The following RBFOX1 variants were observed in gnomAD, a reference collection of about 807,000 sequenced individuals.
The protein encoded by RBFOX1 is RNA binding fox-1 homolog 1.
RBFOX1 carries 8 observed loss-of-function variants against 57.7 expected under a neutral mutation model. That is an observed-to-expected ratio of 0.14 (90% CI 0.08 to 0.25). The LOEUF (loss-of-function observed/expected upper bound fraction) is 0.25. RBFOX1 is among the 10% of genes least tolerant of loss of function. The pLI is 1.00. For synonymous variants in RBFOX1, 326 were observed against 222.4 expected (o/e 1.47, Z -4.15); for missense variants, 611 against 548.5 (o/e 1.11, Z -1.14).
intron 4 of RBFOX1, among the ~76,000 whole-genome samples, chr16:5,979,185 GC>G (rs2152308445): frequency 6.6e-6 from 1 of 152,312 alleles, no homozygotes; most frequent in Non-Finnish European, 1.5e-5. Context: ...CTCCAAGGAT[GC>G]CCCTGCTCAC....
At chr16:7,393,016 G>A (rs2098067729) in intron 4 of RBFOX1, among the ~76,000 whole-genome samples, 1 of 152,130 alleles carries the variant, frequency 6.6e-6, no homozygotes, top group African/African-American at 2.4e-5. Context: ...TGGGACTACA[G>A]GCCCATGCCA....
intron 1 of RBFOX1, among the ~76,000 whole-genome samples, chr16:6,069,860 G>A (rs1214239843): frequency 1.3e-5 from 2 of 151,688 alleles, no homozygotes; most frequent in Admixed American, 6.6e-5. Flanking sequence ...AGTGGTGCAT[G>A]CCTGTAATCC....
At chr16:6,177,821 T>C (rs945528312) in intron 1 of RBFOX1, among the ~76,000 whole-genome samples, 1 of 151,818 alleles carries the variant, frequency 6.6e-6, no homozygotes, top group Non-Finnish European at 1.5e-5. Flanking sequence ...GCAAAATTGA[T>C]TGTGCGGCTC....
intron 1 of RBFOX1, among the ~76,000 whole-genome samples, chr16:6,105,920 G>T (rs578022509): frequency 1.1e-4 from 16 of 151,738 alleles, no homozygotes; most frequent in South Asian, 2.1e-4. Flanking sequence ...AAACTTAATG[G>T]TCATAGTAAC....
At chr16:7,301,428 A>G (rs1041095667) in intron 4 of RBFOX1, among the ~76,000 whole-genome samples, 1 of 152,202 alleles carries the variant, frequency 6.6e-6, no homozygotes, top group Non-Finnish European at 1.5e-5. Context: ...GCAGATCTTC[A>G]GTGTGTCTGA....
intron 3 of RBFOX1, among the ~76,000 whole-genome samples, chr16:6,874,907 AAATAAT>A (rs1434680585): frequency 6.6e-6 from 1 of 152,182 alleles, no homozygotes; most frequent in Admixed American, 6.5e-5. Context: ...AAAACTATTG[AAATAAT>A]AATAAAAGAA....
chr16:7,174,683 G>A (rs1041697039), intron 4 of RBFOX1, among the ~76,000 whole-genome samples: 2 of 152,208 alleles, frequency 1.3e-5, no homozygotes, highest in African/African-American at 4.8e-5. Context: ...GGGAGTCTGA[G>A]GCAGGAGAAT....
chr16:7,369,500 C>G (rs904511042), intron 4 of RBFOX1, among the ~76,000 whole-genome samples: 1 of 152,154 alleles, frequency 6.6e-6, no homozygotes, highest in Non-Finnish European at 1.5e-5. Context: ...TAACTCCCTG[C>G]ATTTGCATTC....
intron 3 of RBFOX1, among the ~76,000 whole-genome samples, chr16:6,909,877 C>T (rs2071108683): frequency 6.6e-6 from 1 of 152,082 alleles, no homozygotes; most frequent in Non-Finnish European, 1.5e-5. Flanking sequence ...CTGAATTTGC[C>T]TGCATATCGG....
At chr16:5,415,037 G>A (rs552088571) in intron 1 of RBFOX1, among the ~76,000 whole-genome samples, 20 of 152,222 alleles carry the variant, frequency 1.3e-4, no homozygotes, top group South Asian at 2.1e-4. Flanking sequence ...GGTTGACCCC[G>A]TTTATCATTC....
At chr16:7,275,303 C>T (rs545782325) in intron 4 of RBFOX1, among the ~76,000 whole-genome samples, 20 of 152,288 alleles carry the variant, frequency 1.3e-4, no homozygotes, top group African/African-American at 4.1e-4. Flanking sequence ...GATTTCTAAT[C>T]GTTATATAAT....
intron 3 of RBFOX1, among the ~76,000 whole-genome samples, chr16:5,790,859 ATT>A (rs1157751312): frequency 8.9e-6 from 1 of 112,948 alleles, no homozygotes. Flanking sequence ...GTGGGTCTTT[ATT>A]TTTTTTTTTT....
At chr16:7,176,518 T>G (rs1016174670) in intron 4 of RBFOX1, among the ~76,000 whole-genome samples, 2 of 152,150 alleles carry the variant, frequency 1.3e-5, no homozygotes, top group African/African-American at 4.8e-5. Flanking sequence ...TCCTCTTGTT[T>G]TTGTAAATAC....
intron 1 of RBFOX1, among the ~76,000 whole-genome samples, chr16:6,124,480 C>G (rs1340034517): frequency 6.6e-6 from 1 of 152,078 alleles, no homozygotes; most frequent in Admixed American, 6.6e-5. Flanking sequence ...GACCTGGTAG[C>G]TGGAAAGCCC....
At chr16:6,650,801 T>A (rs2098583428) in intron 2 of RBFOX1, among the ~76,000 whole-genome samples, 1 of 152,220 alleles carries the variant, frequency 6.6e-6, no homozygotes, top group Admixed American at 6.5e-5. Context: ...TTCCTAATGA[T>A]GCATCCGCAG....
At chr16:5,886,182 C>T (rs1236409560) in intron 4 of RBFOX1, among the ~76,000 whole-genome samples, 1 of 152,166 alleles carries the variant, frequency 6.6e-6, no homozygotes, top group African/African-American at 2.4e-5. Flanking sequence ...CTCTATTCTT[C>T]ATAAATTCCC....
intron 3 of RBFOX1, among the ~76,000 whole-genome samples, chr16:5,706,218 T>C (rs987251985): frequency 6.6e-6 from 1 of 152,182 alleles, no homozygotes; most frequent in South Asian, 2.1e-4. Flanking sequence ...GCCATGTTGC[T>C]TTTTTTCCTA....
At chr16:7,051,524 A>G (rs1202664956) in intron 3 of RBFOX1, among the ~76,000 whole-genome samples, 3 of 152,194 alleles carry the variant, frequency 2.0e-5, no homozygotes, top group African/African-American at 4.8e-5. Context: ...TGGCTTCACA[A>G]TTCTCCCCAG....
chr16:6,027,144 T>C (rs980721979), intron 1 of RBFOX1, among the ~76,000 whole-genome samples: 1 of 152,220 alleles, frequency 6.6e-6, no homozygotes, highest in Non-Finnish European at 1.5e-5. Context: ...GTTTTCAAAA[T>C]TGTCTTCTTT....
Sources: allele counts gnomAD v4.1 joint callset (sites outside exome capture counted in the v4.1 genomes callset), GRCh38; gene constraint gnomAD v4.1.1; transcripts MANE v1.5; gene names NCBI Gene and HGNC (gene_info 2026-07-23, HGNC 2026-07-21).